Variants in RSBN1 observed in about 807,000 individuals in gnomAD.
The protein encoded by RSBN1 is round spermatid basic protein 1.
In RSBN1, 23 loss-of-function variants were observed where a neutral mutation model predicts 74.8. The ratio of observed to expected loss-of-function variants is 0.31; its 90% CI spans 0.22 to 0.44. The LOEUF (loss-of-function observed/expected upper bound fraction) is 0.44. Among genes scored for constraint, RSBN1 ranks in the 20% least tolerant of loss-of-function variants. RSBN1 has a pLI of 1.00. For missense variants in RSBN1, 808 were observed against 1,020.9 expected, an observed-to-expected ratio of 0.79 and a Z score of 2.84; for synonymous variants, 407 against 379.6, an observed-to-expected ratio of 1.07 and a Z score of -0.84.
At chr1:113,810,294 C>T (rs1660801884) in intron 1 of RSBN1, among the ~76,000 whole-genome samples, 1 of 151,912 alleles carries the variant, frequency 6.6e-6, no homozygotes, top group Non-Finnish European at 1.5e-5. Flanking sequence ...ATTGAACAGG[C>T]CTCTTTACTA....
rs1660189931 is a variant in RSBN1, at chr1:113,783,927, C to T, written c.1378-6119G>A. Among the ~76,000 whole-genome samples the T allele has an allele frequency of 2.0e-5, 3 of 152,222 alleles. No homozygotes were observed. The South Asian group carries it at 6.2e-4, about 32-fold the overall frequency. ...GTCCTCATTGTTATGGTTTTTTAGC[C>T]TATACCTTGTATACTTTGTAATGAG... On this transcript the variant is annotated intron_variant, in intron 2 of 6. Coordinates refer to ENST00000261441, the MANE Select transcript of RSBN1 (RefSeq NM_018364.5).
chr1:113,806,943 G>A (rs1660711961), intron 1 of RSBN1, among the ~76,000 whole-genome samples: 2 of 151,838 alleles, frequency 1.3e-5, no homozygotes. Flanking sequence ...AGCCCCAGAG[G>A]TTGAGGCTAG....
At chr1:113,785,411 A>G (rs1660221322) in intron 2 of RSBN1, among the ~76,000 whole-genome samples, 1 of 152,204 alleles carries the variant, frequency 6.6e-6, no homozygotes, top group Non-Finnish European at 1.5e-5. Context: ...GATAAAAGGT[A>G]TAGTAAATAT....
Position 113,762,225 on chromosome 1 carries a change from A to C in RSBN1, c.*3755T>G, listed in dbSNP as rs993718489. ...AATTTACAACATGTGATAGTAGTAC[A>C]TAAGTATTTCTTTAGAGAGAATTGA... On this transcript the variant is annotated 3_prime_UTR_variant, in exon 7 of 7. Transcript: ENST00000261441. The C allele has an allele frequency of 6.5e-6, 1 of 152,812 alleles. No individual in the cohort carries two copies. Among genetic ancestry groups the C allele is most frequent in the Admixed American group, 6.5e-5 (1 of 15,286 alleles). The allele number at this position is 152,812 out of a possible 1,614,324, so 9.5% of individuals were successfully genotyped here.
At chr1:113,786,465 A>G (rs943374520) in intron 2 of RSBN1, among the ~76,000 whole-genome samples, 1 of 152,188 alleles carries the variant, frequency 6.6e-6, no homozygotes. Flanking sequence ...CTTAAATGTA[A>G]TAACACGTGT....
intron 2 of RSBN1, among the ~76,000 whole-genome samples, chr1:113,787,531 A>G (rs1220982811): frequency 6.6e-6 from 1 of 152,206 alleles, no homozygotes; most frequent in African/African-American, 2.4e-5. Flanking sequence ...CTACCTTCCT[A>G]TCCCATGCTC....
rs373653397 is a variant in RSBN1, at chr1:113,782,566, A to C, written c.1378-4758T>G. ...AATGGTCAAGGACAACTATTTTTTAAGAAAAACAAACTGGCTGTTATGAAT... is the reference window on the plus strand; with the variant it reads ...AATGGTCAAGGACAACTATTTTTTACGAAAAACAAACTGGCTGTTATGAAT... On this transcript the variant is annotated intron_variant, in intron 2 of 6. Coordinates refer to ENST00000261441, the MANE Select transcript of RSBN1 (RefSeq NM_018364.5). Among the ~76,000 whole-genome samples the C allele has an allele frequency of 5.3e-5, 8 of 152,358 alleles. No homozygotes were observed. The East Asian group carries it at 1.2e-3, about 22-fold the overall frequency.
intron 2 of RSBN1, among the ~76,000 whole-genome samples, chr1:113,784,006 T>C (rs1294963474): frequency 6.6e-6 from 1 of 152,110 alleles, no homozygotes. Flanking sequence ...GATCTCCCGA[T>C]CTGGCCTAAA....
chr1:113,797,883 G>A lies in RSBN1; in HGVS notation c.857C>T (p.Thr286Ile). 4 of 1,613,334 alleles carry A rather than the reference G, an allele frequency of 2.5e-6. No individual in the cohort carries two copies. The highest frequency in any genetic ancestry group is 3.4e-6 in the Non-Finnish European group (4 of 1,179,890). ...KEVQTVCAGL[T>I]RISKEILTQG... ...GGTGAGAATTTCTTTACTGATGCGG[G>A]TCAGGCCAGCACAGACGGTTTGTAC... The change falls in exon 2 of 7, where the codon ACC becomes ATC. Residue 286 changes from threonine to isoleucine, a missense_variant. Physicochemically the swap from Thr to Ile is moderately conservative, Grantham distance 89 (BLOSUM62 -1). Transcript: ENST00000261441.
rs1295183081 is a variant in RSBN1 at position 113,764,701 on chromosome 1, A to C, written c.*1279T>G. The C allele has an allele frequency of 6.6e-6, 1 of 151,742 alleles. No homozygotes were observed. The highest frequency in any genetic ancestry group is 1.5e-5 in the Non-Finnish European group (1 of 67,892). 9.4% of individuals were successfully genotyped at this position (151,742 alleles called of 1,614,324 possible). ...AAAAAAATCTCCAAATTGCACTGTA[A>C]CCAGGGAGATATAAGAATCTGGTCT... is the stretch of plus-strand genomic sequence containing the variant. On this transcript the variant is annotated 3_prime_UTR_variant, in exon 7 of 7. Coordinates refer to ENST00000261441, the MANE Select transcript of RSBN1 (RefSeq NM_018364.5).
At chr1:113,777,911 A>G in intron 2 of RSBN1, 103 bp from the exon 3 acceptor site, 1 of 1,092,866 alleles carries the variant, frequency 9.2e-7, no homozygotes, top group Non-Finnish European at 1.2e-6. Context: ...TTCTTCTACA[A>G]ACTAAGAACT....
intron 2 of RSBN1, among the ~76,000 whole-genome samples, chr1:113,786,301 T>C (rs988271811): frequency 5.3e-5 from 8 of 152,156 alleles, no homozygotes; most frequent in African/African-American, 1.9e-4. Context: ...GCCAGAAGTA[T>C]GTGATAGGTT....
intron 1 of RSBN1, among the ~76,000 whole-genome samples, chr1:113,799,915 G>A (rs898684269): frequency 6.6e-6 from 1 of 152,068 alleles, no homozygotes; most frequent in Non-Finnish European, 1.5e-5. Flanking sequence ...TTACTGCATA[G>A]AATTTACCCA....
At chr1:113,792,867 T>G (rs1242607360) in intron 2 of RSBN1, among the ~76,000 whole-genome samples, 1 of 152,094 alleles carries the variant, frequency 6.6e-6, no homozygotes, top group Non-Finnish European at 1.5e-5. Context: ...CTCAACTTTA[T>G]AAAGTTATCC....
At chr1:113,792,101 G>C (rs1660378520) in intron 2 of RSBN1, among the ~76,000 whole-genome samples, 1 of 152,042 alleles carries the variant, frequency 6.6e-6, no homozygotes, top group Non-Finnish European at 1.5e-5. Context: ...ACTACCTAAA[G>C]TTAAAAAGCT....
At chr1:113,784,683 T>A (rs896544383) in intron 2 of RSBN1, among the ~76,000 whole-genome samples, 2 of 152,224 alleles carry the variant, frequency 1.3e-5, no homozygotes, top group Non-Finnish European at 2.9e-5. Context: ...CAAGCAGCAA[T>A]GCTATTATAG....
At position 113,811,881 on chromosome 1, in the gene RSBN1, C is replaced by A. The variant is rs1158666443; in HGVS notation, c.532G>T (p.Val178Leu). 1.9e-6 allele frequency: 3 copies of A among 1,612,762 alleles called. No homozygotes were observed. The highest frequency in any genetic ancestry group is 2.5e-6 in the Non-Finnish European group (3 of 1,179,690). Residue 178 changes from valine (V) to leucine (L), a missense_variant, in exon 1 of 7, where the codon GTG becomes TTG. By Grantham distance (32) the Val-to-Leu change is conservative (BLOSUM62 1). This residue lies in a region of RSBN1 where 464 missense variants were observed against 401.0 expected (regional missense o/e 1.16). Coordinates refer to ENST00000261441, the MANE Select transcript of RSBN1 (RefSeq NM_018364.5). Reference protein sequence around the residue: ...SALFTFSPLTVSAAGPKHKGH... With the variant: ...SALFTFSPLTLSAAGPKHKGH... ...TTATGCTTGGGCCCGGCCGCGCTCA[C>A]CGTCAGAGGCGAGAAGGTGAAGAGG...
Position 113,797,408 on chromosome 1 carries a change from G to A in RSBN1, c.1332C>T (p.Gly444=). Residue 444 remains glycine, a synonymous_variant, in exon 2 of 7, where the codon GGC becomes GGT. Transcript: ENST00000261441. Reference sequence around the variant, plus strand: ...TGGTGGTTGTTTCAATATCTTTCTTGCCCAGAATTTCCATTTTCACTGGAG... The same window carrying A: ...TGGTGGTTGTTTCAATATCTTTCTTACCCAGAATTTCCATTTTCACTGGAG... ...PNTPVKMEIL[G]KKDIETTTIS... 1 of 1,612,390 alleles carries A rather than the reference G, an allele frequency of 6.2e-7. No individual in the cohort carries two copies. The highest frequency in any genetic ancestry group is 8.5e-7 in the Non-Finnish European group (1 of 1,179,530).
At chr1:113,778,456 C>G (rs1176384211) in intron 2 of RSBN1, among the ~76,000 whole-genome samples, 2 of 152,026 alleles carry the variant, frequency 1.3e-5, no homozygotes, top group African/African-American at 4.8e-5. Flanking sequence ...CGCCACCATG[C>G]CTGGCTAATT....
Sources: allele counts gnomAD v4.1 joint callset (sites outside exome capture counted in the v4.1 genomes callset), GRCh38; gene constraint gnomAD v4.1.1; regional missense constraint gnomAD v4.1.1; transcripts MANE v1.5; gene names NCBI Gene and HGNC (gene_info 2026-07-23, HGNC 2026-07-21).